GHR: variants seen among roughly 807,000 people sequenced by gnomAD.
The protein encoded by GHR is growth hormone receptor.
GHR carries 35 observed loss-of-function variants against 67.1 expected under a neutral mutation model. That is an observed-to-expected ratio of 0.52 (90% CI 0.40 to 0.69). The LOEUF is 0.69. Among genes scored for constraint, GHR ranks in the 30% least tolerant of loss-of-function variants. The pLI is 0.00. For synonymous variants in GHR, 272 were observed against 269.1 expected, an observed-to-expected ratio of 1.01 and a Z score of -0.10; for missense variants, 792 against 764.6, an observed-to-expected ratio of 1.04 and a Z score of -0.42.
chr5:42,465,701 GA>G lies in GHR; in HGVS notation c.-12+41754del, dbSNP rs575955797. ...CTCGTGCTTCAGGCCACTGTAATGT[GA>G]AAAAAAAGATCTATCACTTCCACTA... On this transcript the variant is annotated intron_variant, in intron 1 of 9. Coordinates refer to ENST00000230882, the MANE Select transcript of GHR (RefSeq NM_000163.5). 5.5e-4 allele frequency: 476 copies of G among 864,074 alleles called. 1 individual carries two copies. In the African/African-American group the frequency reaches 7.1e-3, roughly 13 times the overall value. The allele number at this position is 864,074 out of a possible 1,614,324, so 53.5% of individuals were successfully genotyped here.
At chr5:42,509,367 C>T (rs1746914194) in intron 1 of GHR, among the ~76,000 whole-genome samples, 1 of 152,172 alleles carries the variant, frequency 6.6e-6, no homozygotes, top group South Asian at 2.1e-4. Context: ...TGTGACAACT[C>T]CTCTATCCTC....
intron 7 of GHR, among the ~76,000 whole-genome samples, chr5:42,711,850 T>G (rs1210608403): frequency 6.6e-6 from 1 of 152,076 alleles, no homozygotes; most frequent in Non-Finnish European, 1.5e-5. Context: ...GCATACGGTT[T>G]TAGAAAGCGG....
chr5:42,703,819 T>G lies in GHR; in HGVS notation c.618+3817T>G, dbSNP rs545112034. On this transcript the variant is annotated intron_variant, in intron 6 of 9. Transcript: ENST00000230882. ...ATTTTTATAGATATTGTGAAAGGGA[T>G]TTCTTTATTTCTTTCTCAGATTGTT... Among the ~76,000 whole-genome samples, 13 of 152,048 alleles carry G rather than the reference T, an allele frequency of 8.5e-5. No homozygotes were observed. The South Asian group carries it at 2.7e-3, about 31-fold the overall frequency.
At chr5:42,704,538 G>GACC (rs1758082106) in intron 6 of GHR, among the ~76,000 whole-genome samples, 1 of 151,870 alleles carries the variant, frequency 6.6e-6, no homozygotes, top group Admixed American at 6.6e-5. Flanking sequence ...TCCTTTCATG[G>GACC]TTTGGGTATA....
intron 1 of GHR, among the ~76,000 whole-genome samples, chr5:42,462,096 T>A (rs1057004511): frequency 6.6e-6 from 1 of 152,174 alleles, no homozygotes; most frequent in Non-Finnish European, 1.5e-5. Flanking sequence ...AGAAGCAGGG[T>A]CTTAAAAATG....
chr5:42,593,043 T>G (rs1751873539), intron 2 of GHR, among the ~76,000 whole-genome samples: 2 of 152,214 alleles, frequency 1.3e-5, no homozygotes, highest in Admixed American at 6.5e-5. Flanking sequence ...ATGACTTCTT[T>G]TGAAAAGTAT....
At chr5:42,519,084 C>T (rs975780964) in intron 1 of GHR, among the ~76,000 whole-genome samples, 4 of 152,152 alleles carry the variant, frequency 2.6e-5, no homozygotes, top group Non-Finnish European at 5.9e-5. Flanking sequence ...GATGCTGTCT[C>T]TCTGAAAAGA....
chr5:42,693,129 C>G (rs549242530), intron 4 of GHR, among the ~76,000 whole-genome samples: 1 of 135,542 alleles, frequency 7.4e-6, no homozygotes, highest in African/African-American at 2.6e-5. Context: ...ATCTCTCATT[C>G]AAGCATATGC....
At chr5:42,686,113 T>G (rs545032567) in intron 3 of GHR, among the ~76,000 whole-genome samples, 9 of 152,324 alleles carry the variant, frequency 5.9e-5, no homozygotes, top group African/African-American at 2.2e-4. Context: ...TGAGTTAATT[T>G]TTGTATAAGA....
chr5:42,576,123 T>TAAAATAATAAAATAAAATAAAATAA (rs1750712287), intron 2 of GHR, among the ~76,000 whole-genome samples: 4 of 84,982 alleles, frequency 4.7e-5, no homozygotes, highest in African/African-American at 2.0e-4. Context: ...TAAAATAAAA[T>TAAAATAATAAAATAAAATAAAATAA]AAAATAAAAT....
chr5:42,712,104 C>T (rs1758490554), intron 7 of GHR, among the ~76,000 whole-genome samples: 3 of 152,038 alleles, frequency 2.0e-5, no homozygotes, highest in Admixed American at 2.0e-4. Context: ...TGGCTCTATT[C>T]CATCTTCATT....
chr5:42,456,762 A>G (rs1308043357), intron 1 of GHR, among the ~76,000 whole-genome samples: 2 of 152,226 alleles, frequency 1.3e-5, no homozygotes, highest in Non-Finnish European at 2.9e-5. Flanking sequence ...TAAACAAACT[A>G]TACCTTTATC....
intron 1 of GHR, among the ~76,000 whole-genome samples, chr5:42,512,960 T>C (rs1368219462): frequency 6.6e-6 from 1 of 152,224 alleles, no homozygotes; most frequent in East Asian, 1.9e-4. Flanking sequence ...TTTGATGTCC[T>C]GAACTTATGG....
At chr5:42,613,160 G>A (rs1447469944) in intron 2 of GHR, among the ~76,000 whole-genome samples, 1 of 152,068 alleles carries the variant, frequency 6.6e-6, no homozygotes, top group African/African-American at 2.4e-5. Context: ...ACCACTTCAA[G>A]GACTTTTGTA....
chr5:42,479,729 A>T (rs1745525985), intron 1 of GHR, among the ~76,000 whole-genome samples: 1 of 152,014 alleles, frequency 6.6e-6, no homozygotes, highest in African/African-American at 2.4e-5. Context: ...ATTGGTGGTG[A>T]TATCCCCTTT....
intron 2 of GHR, among the ~76,000 whole-genome samples, chr5:42,568,107 A>G (rs1046974623): frequency 2.6e-5 from 4 of 152,184 alleles, no homozygotes; most frequent in African/African-American, 9.6e-5. Flanking sequence ...CCTGGAGAAA[A>G]GTCACCCAGG....
At chr5:42,665,270 A>C (rs1755897025) in intron 3 of GHR, among the ~76,000 whole-genome samples, 1 of 152,188 alleles carries the variant, frequency 6.6e-6, no homozygotes, top group Non-Finnish European at 1.5e-5. Context: ...ATGACTGTAA[A>C]TCATGCTGCT....
chr5:42,473,924 A>G (rs1438441961), intron 1 of GHR, among the ~76,000 whole-genome samples: 3 of 151,652 alleles, frequency 2.0e-5, no homozygotes, highest in Non-Finnish European at 2.9e-5. Context: ...GTGGTGGTTC[A>G]TGCCTGTAAT....
intron 1 of GHR, among the ~76,000 whole-genome samples, chr5:42,527,189 T>C (rs1338475789): frequency 2.0e-5 from 3 of 152,134 alleles, no homozygotes; most frequent in South Asian, 4.1e-4. Context: ...CATAACCAGC[T>C]AACAACACAA....
Sources: gnomAD v4.1 joint callset for allele counts (sites outside exome capture counted in the v4.1 genomes callset) on GRCh38, gnomAD v4.1.1 for gene constraint, MANE v1.5 for transcripts, NCBI Gene and HGNC (gene_info 2026-07-23, HGNC 2026-07-21) for gene names.